Variants in DHRS7C observed in about 807,000 individuals in gnomAD.
DHRS7C encodes dehydrogenase/reductase 7C.
In DHRS7C, 28 loss-of-function variants were observed where a neutral mutation model predicts 29.6. The ratio of observed to expected loss-of-function variants is 0.95; its 90% CI spans 0.70 to 1.30. DHRS7C has a LOEUF of 1.30. Among genes scored for constraint, DHRS7C ranks in the 50% most tolerant of loss-of-function variants. The pLI is 0.00. For synonymous variants in DHRS7C, 158 were observed against 160.2 expected (o/e 0.99, Z 0.10); for missense variants, 403 against 393.3 (o/e 1.02, Z -0.21).
chr17:9,779,949 G>A lies in DHRS7C; in HGVS notation c.354C>T (p.Gly118=), dbSNP rs748251593. ...DVAKEVLDCY[G]CVDILINNAS... is the part of the protein sequence containing the mutation. ...CATTGTTGATGAGGATGTCCACACA[G>A]CCATAGCAATCCAGGACTTCTTTTG... The change falls in exon 3 of 6, where the codon GGC becomes GGT. Residue 118 remains glycine, a synonymous_variant. Transcript: ENST00000571134. 2.4e-5 allele frequency: 39 copies of A among 1,613,834 alleles called. No individual in the cohort carries two copies. The highest frequency in any genetic ancestry group is 3.3e-5 in the Non-Finnish European group (39 of 1,179,892).
chr17:9,789,766 A>G (rs555852320), intron 1 of DHRS7C, among the ~76,000 whole-genome samples: 4 of 152,272 alleles, frequency 2.6e-5, no homozygotes, highest in African/African-American at 9.6e-5. Context: ...TCTGTTCTGA[A>G]TAGCTTTAGG....
At chr17:9,777,485 T>C (rs554531930) in intron 3 of DHRS7C, among the ~76,000 whole-genome samples, 200 bp from the exon 4 acceptor site, 12 of 151,922 alleles carry the variant, frequency 7.9e-5, no homozygotes, top group Non-Finnish European at 1.0e-4. Flanking sequence ...AGTTGCTGGG[T>C]GATTTTAAAT....
intron 4 of DHRS7C, among the ~76,000 whole-genome samples, chr17:9,776,969 C>A (rs1419383379): frequency 6.6e-6 from 1 of 152,122 alleles, no homozygotes; most frequent in East Asian, 1.9e-4. Context: ...GCTTCGCGGA[C>A]AGAAGGAGCG....
chr17:9,777,090 C>T lies in DHRS7C; in HGVS notation c.571+103G>A, dbSNP rs116385790. The T allele has an allele frequency of 5.5e-4, 533 of 968,210 alleles. 1 individual carries two copies. The African/African-American group carries it at 7.5e-3, about 14-fold the overall frequency. The allele number at this position is 968,210 out of a possible 1,614,324, so 60.0% of individuals were successfully genotyped here. A position where few individuals can be genotyped will look rare whatever the true frequency, so the allele number is the denominator to read the frequency against. On this transcript the variant is annotated intron_variant, in intron 4 of 5. Transcript: ENST00000571134. Reference sequence around the variant, plus strand: ...CCAGCAGATGGTGTCATCCTTGGACCCTTTCCCCTGTGACCATCTGCCTAG... The same window carrying T: ...CCAGCAGATGGTGTCATCCTTGGACTCTTTCCCCTGTGACCATCTGCCTAG...
Position 9,791,130 on chromosome 17 carries a change from C to A in DHRS7C, c.154+1G>T. On this transcript the variant is annotated splice_donor_variant, in intron 1 of 5. Coordinates refer to ENST00000571134, the MANE Select transcript of DHRS7C (RefSeq NM_001105571.3). LOFTEE classifies it high-confidence loss of function. ...CACAGGTGGGAGCAAAGCCAGCTTA[C>A]CCTTGCCCAGTCCTGAGATGGCATC... 6.2e-7 allele frequency: 1 copy of A among 1,611,438 alleles called. No homozygotes were observed.
chr17:9,772,603 A>G (rs2066336478), intron 5 of DHRS7C, among the ~76,000 whole-genome samples, 164 bp downstream of exon 5: 1 of 152,096 alleles, frequency 6.6e-6, no homozygotes, highest in Admixed American at 6.5e-5. Context: ...TCAGGCCTAA[A>G]GGTTTGGGGG....
At chr17:9,779,799 C>T (rs1183370296) in intron 3 of DHRS7C, 26 bp downstream of exon 3, 1 of 1,597,280 alleles carries the variant, frequency 6.3e-7, no homozygotes, top group Admixed American at 1.7e-5. Context: ...GCCCAGATAC[C>T]CATGGGAAAG....
chr17:9,781,380 A>T, intron 2 of DHRS7C, 102 bp downstream of exon 2: 1 of 1,053,068 alleles, frequency 9.5e-7, no homozygotes, highest in Non-Finnish European at 1.4e-6. Flanking sequence ...CCCCAGAGCA[A>T]TCACCAAGTT....
At chr17:9,786,461 C>T (rs7209520) in intron 1 of DHRS7C, among the ~76,000 whole-genome samples, 8 of 151,488 alleles carry the variant, frequency 5.3e-5, no homozygotes, top group African/African-American at 1.9e-4. Flanking sequence ...TACTGTCTCA[C>T]GACACCCTTG....
intron 1 of DHRS7C, among the ~76,000 whole-genome samples, chr17:9,782,365 C>T (rs539041523): frequency 6.6e-6 from 1 of 152,282 alleles, no homozygotes; most frequent in East Asian, 1.9e-4. Context: ...TTACTGAGGG[C>T]TTGCTCTTCA....
chr17:9,788,233 T>G (rs995052726), intron 1 of DHRS7C, among the ~76,000 whole-genome samples: 12 of 151,692 alleles, frequency 7.9e-5, no homozygotes, highest in Non-Finnish European at 1.5e-5. Flanking sequence ...TTGAGATGGA[T>G]TCTCACTCTG....
chr17:9,778,259 T>C (rs2066373562), intron 3 of DHRS7C, among the ~76,000 whole-genome samples: 1 of 151,874 alleles, frequency 6.6e-6, no homozygotes, highest in Non-Finnish European at 1.5e-5. Context: ...CCAGGCGTGG[T>C]GGCGGGCGCC....
chr17:9,779,671 T>A (rs1001441302), intron 3 of DHRS7C, among the ~76,000 whole-genome samples, 154 bp downstream of exon 3: 10 of 152,056 alleles, frequency 6.6e-5, no homozygotes, highest in African/African-American at 2.2e-4. Context: ...ACACTTACAA[T>A]GGGAATGGTG....
At chr17:9,778,849 C>T (rs2066377603) in intron 3 of DHRS7C, among the ~76,000 whole-genome samples, 2 of 152,188 alleles carry the variant, frequency 1.3e-5, no homozygotes, top group African/African-American at 4.8e-5. Context: ...TGGAGGCGTT[C>T]TCCACATTAC....
chr17:9,789,594 C>T lies in DHRS7C; in HGVS notation c.154+1537G>A, dbSNP rs186541450. 2.0e-5 allele frequency among the ~76,000 whole-genome samples: 3 copies of T among 152,018 alleles called. No homozygotes were observed. The East Asian group carries it at 5.8e-4, about 29-fold the overall frequency. On this transcript the variant is annotated intron_variant, in intron 1 of 5. Coordinates refer to ENST00000571134, the MANE Select transcript of DHRS7C (RefSeq NM_001105571.3). ...AATGTGGTGTGCACTTACAAGGGGCCAGTTAAGAAGCTGGTCCACAAGGAC... is the reference window on the plus strand; with the variant it reads ...AATGTGGTGTGCACTTACAAGGGGCTAGTTAAGAAGCTGGTCCACAAGGAC...
At chr17:9,788,449 C>T in intron 1 of DHRS7C, among the ~76,000 whole-genome samples, 1 of 152,086 alleles carries the variant, frequency 6.6e-6, no homozygotes, top group Non-Finnish European at 1.5e-5. Context: ...TCAAGTGATC[C>T]ACCCGCCTCA....
At chr17:9,785,837 C>A (rs941566825) in intron 1 of DHRS7C, among the ~76,000 whole-genome samples, 37 of 152,100 alleles carry the variant, frequency 2.4e-4, no homozygotes, top group Admixed American at 1.6e-3. Flanking sequence ...GTCCCTGAGG[C>A]CCTAGAAGCC....
intron 1 of DHRS7C, among the ~76,000 whole-genome samples, chr17:9,788,409 G>A (rs2066436539): frequency 6.6e-6 from 1 of 151,990 alleles, no homozygotes; most frequent in Non-Finnish European, 1.5e-5. Context: ...GTTTTACCAT[G>A]TTGGCCAGGC....
intron 1 of DHRS7C, 93 bp downstream of exon 1, chr17:9,791,038 T>C (rs1288557975): frequency 6.9e-7 from 1 of 1,455,700 alleles, no homozygotes; most frequent in Non-Finnish European, 9.2e-7. Context: ...CCGAGCAGGT[T>C]TGCCCACACA....
Sources: allele counts gnomAD v4.1 joint callset (sites outside exome capture counted in the v4.1 genomes callset), GRCh38; gene constraint gnomAD v4.1.1; transcripts MANE v1.5; gene names NCBI Gene and HGNC (gene_info 2026-07-23, HGNC 2026-07-21).